Variants in CADM2 observed in about 807,000 individuals in gnomAD.
CADM2 encodes cell adhesion molecule 2.
In CADM2, 12 loss-of-function variants were observed where a neutral mutation model predicts 49.8. The observed-to-expected ratio is 0.24, with a 90% CI of 0.15 to 0.39. The LOEUF (loss-of-function observed/expected upper bound fraction) is 0.39. CADM2 is among the 10% of genes least tolerant of loss of function. CADM2 has a pLI of 1.00. For synonymous variants in CADM2, 214 were observed against 175.4 expected, an observed-to-expected ratio of 1.22 and a Z score of -1.74; for missense variants, 378 against 492.3, an observed-to-expected ratio of 0.77 and a Z score of 2.20.
chr3:85,388,793 A>C (rs1438924159), intron 1 of CADM2, among the ~76,000 whole-genome samples: 1 of 152,146 alleles, frequency 6.6e-6, no homozygotes, highest in Admixed American at 6.5e-5. Flanking sequence ...TTAAAAAAAA[A>C]CACAGAAAAA....
intron 1 of CADM2, among the ~76,000 whole-genome samples, chr3:85,651,848 C>T (rs1052258979): frequency 2.7e-5 from 4 of 149,422 alleles, no homozygotes; most frequent in East Asian, 2.0e-4. Flanking sequence ...GACAGAGTCA[C>T]GCTCTGTCAC....
At chr3:85,300,391 A>G (rs547575599) in intron 1 of CADM2, among the ~76,000 whole-genome samples, 3 of 152,132 alleles carry the variant, frequency 2.0e-5, no homozygotes, top group Non-Finnish European at 4.4e-5. Context: ...TTTAAAAATC[A>G]TATTATATGA....
At chr3:85,340,915 T>C (rs966821125) in intron 1 of CADM2, among the ~76,000 whole-genome samples, 2 of 151,718 alleles carry the variant, frequency 1.3e-5, no homozygotes, top group African/African-American at 4.8e-5. Context: ...GTATATACTC[T>C]TCAAACACTC....
intron 1 of CADM2, among the ~76,000 whole-genome samples, chr3:85,561,948 G>A (rs1005125185): frequency 6.6e-6 from 1 of 151,948 alleles, no homozygotes; most frequent in Non-Finnish European, 1.5e-5. Flanking sequence ...AAAACTATTT[G>A]GTAAGGAGAT....
chr3:85,649,390 T>G (rs1359244541), intron 1 of CADM2, among the ~76,000 whole-genome samples: 3 of 152,160 alleles, frequency 2.0e-5, no homozygotes, highest in Non-Finnish European at 4.4e-5. Flanking sequence ...CCACAAAATA[T>G]GGCTGAGATA....
intron 1 of CADM2, among the ~76,000 whole-genome samples, chr3:85,612,057 T>C (rs993483832): frequency 6.6e-6 from 1 of 151,842 alleles, no homozygotes; most frequent in African/African-American, 2.4e-5. Flanking sequence ...TGCATATCCA[T>C]AGGAAATGGA....
chr3:85,888,449 G>T (rs1175119975), intron 5 of CADM2, among the ~76,000 whole-genome samples: 4 of 152,106 alleles, frequency 2.6e-5, no homozygotes, highest in Admixed American at 1.3e-4. Context: ...TCTGAATCAA[G>T]ATCAGAACAA....
At chr3:86,052,938 A>G (rs533403259) in intron 8 of CADM2, among the ~76,000 whole-genome samples, 1 of 152,288 alleles carries the variant, frequency 6.6e-6, no homozygotes, top group African/African-American at 2.4e-5. Context: ...ATCAGTGTCT[A>G]GATCCATGAC....
In CADM2 at chr3:85,830,007, T is replaced by G. The variant is rs151184802; in HGVS notation, c.238+27811T>G. ...TGCAGATATCTCTTCCACATACTACTTCAGTGTCCTTTGGATATACCCAAA... is the reference window on the plus strand; with the variant it reads ...TGCAGATATCTCTTCCACATACTACGTCAGTGTCCTTTGGATATACCCAAA... On this transcript the variant is annotated intron_variant, in intron 3 of 9. Transcript: ENST00000383699. Among the ~76,000 whole-genome samples, 830 of 152,118 alleles carry G rather than the reference T, an allele frequency of 5.5e-3. 4 individuals carry two copies. Among genetic ancestry groups the G allele is most frequent in the Middle Eastern group, 0.01 (3 of 294 alleles).
chr3:85,073,766 A>G (rs2036842182), intron 1 of CADM2, among the ~76,000 whole-genome samples: 1 of 152,108 alleles, frequency 6.6e-6, no homozygotes, highest in Non-Finnish European at 1.5e-5. Context: ...TACTTATCCT[A>G]AATTCTAGTG....
chr3:85,971,904 AG>A (rs1225754785), intron 8 of CADM2, among the ~76,000 whole-genome samples: 1 of 151,752 alleles, frequency 6.6e-6, no homozygotes, highest in South Asian at 2.1e-4. Flanking sequence ...TCATATTTTA[AG>A]AACAGCTTTT....
At chr3:85,231,445 C>T (rs1047058825) in intron 1 of CADM2, among the ~76,000 whole-genome samples, 1 of 148,046 alleles carries the variant, frequency 6.8e-6, no homozygotes, top group Non-Finnish European at 1.5e-5. Flanking sequence ...GAAAAAAAAA[C>T]AGAAGAGGAT....
At position 85,602,437 on chromosome 3, in the gene CADM2, A is replaced by C. The variant is rs183857081; in HGVS notation, c.62-124085A>C. Among the ~76,000 whole-genome samples the C allele has an allele frequency of 2.0e-5, 3 of 151,846 alleles. No homozygotes were observed. The Admixed American group carries it at 2.0e-4, about 10-fold the overall frequency. ...TGGAAAAGATTACGACTCTTCACCC[A>C]TTCTTGCAAAATGAGACTTAATCTC... is the stretch of plus-strand genomic sequence containing the variant. On this transcript the variant is annotated intron_variant, in intron 1 of 9. Coordinates refer to ENST00000383699, the MANE Select transcript of CADM2 (RefSeq NM_001167675.2).
chr3:84,978,223 T>G (rs1053704386), intron 1 of CADM2, among the ~76,000 whole-genome samples: 1 of 152,146 alleles, frequency 6.6e-6, no homozygotes, highest in Admixed American at 6.6e-5. Flanking sequence ...TTTCTGTCTT[T>G]TCTTTACTAG....
intron 1 of CADM2, among the ~76,000 whole-genome samples, chr3:85,541,717 A>ATTT (rs762571304): frequency 0.53 from 71,165 of 135,312 alleles, 21,498 homozygotes; most frequent in East Asian, 0.88. Flanking sequence ...TATATTTTAT[A>ATTT]TTATATATAT....
chr3:85,865,811 A>C (rs1156600018), intron 3 of CADM2, among the ~76,000 whole-genome samples: 1 of 152,242 alleles, frequency 6.6e-6, no homozygotes, highest in Non-Finnish European at 1.5e-5. Flanking sequence ...CAATATTATC[A>C]CAGAAAACTA....
intron 3 of CADM2, among the ~76,000 whole-genome samples, chr3:85,836,696 C>T (rs371569567): frequency 2.0e-5 from 3 of 151,654 alleles, no homozygotes; most frequent in East Asian, 1.9e-4. Flanking sequence ...AGAAGATATC[C>T]AGGGAAACTT....
chr3:85,423,937 T>A (rs2107504075), intron 1 of CADM2, among the ~76,000 whole-genome samples: 1 of 152,324 alleles, frequency 6.6e-6, no homozygotes, highest in South Asian at 2.1e-4. Context: ...TCAATAAATC[T>A]ATAGTACCTT....
At chr3:85,432,623 A>G (rs550151917) in intron 1 of CADM2, among the ~76,000 whole-genome samples, 1 of 152,290 alleles carries the variant, frequency 6.6e-6, no homozygotes, top group African/African-American at 2.4e-5. Context: ...AGTGTACATA[A>G]AACAACACCA....
Sources: allele counts gnomAD v4.1 joint callset (sites outside exome capture counted in the v4.1 genomes callset), GRCh38; gene constraint gnomAD v4.1.1; transcripts MANE v1.5; gene names NCBI Gene and HGNC (gene_info 2026-07-23, HGNC 2026-07-21).